Variants in VPS13C observed in about 807,000 individuals in gnomAD.
VPS13C encodes the protein vacuolar protein sorting 13 homolog C, also known as intermembrane lipid transfer protein VPS13C.
VPS13C carries 358 observed loss-of-function variants against 456.8 expected under a neutral mutation model. The ratio of observed to expected loss-of-function variants is 0.78; its 90% CI spans 0.72 to 0.86. The LOEUF is 0.86. Ranked by LOEUF, VPS13C falls within the 40% of genes least tolerant of loss-of-function variation. VPS13C has a pLI of 0.00. For synonymous variants in VPS13C, 1,578 were observed against 1,486.7 expected (o/e 1.06, Z -1.41); for missense variants, 4,818 against 4,385.4 (o/e 1.10, Z -2.79).
At chr15:61,929,391 A>C in intron 51 of VPS13C, 110 bp downstream of exon 51, 1 of 1,374,226 alleles carries the variant, frequency 7.3e-7, no homozygotes, top group South Asian at 1.5e-5. Context: ...ATATGTTTAA[A>C]TATAAAAGAC....
chr15:62,037,299 A>AAT (rs796433554), intron 3 of VPS13C, among the ~76,000 whole-genome samples: 7 of 63,966 alleles, frequency 1.1e-4, no homozygotes, highest in African/African-American at 3.3e-4. Flanking sequence ...TATATTATAT[A>AAT]ATATATATAT....
In VPS13C at chr15:61,901,642, G is replaced by A. The variant is rs1227158340; in HGVS notation, c.9105+5622C>T. ...TGCTGGAGAGGATGTGGAGAAATGG[G>A]AACACTTTTACACTGTTGGTGGGAC... On this transcript the variant is annotated intron_variant, in intron 66 of 84. Transcript: ENST00000644861. Among the ~76,000 whole-genome samples the A allele has an allele frequency of 2.6e-5, 4 of 152,044 alleles. No homozygotes were observed. The South Asian group carries it at 6.2e-4, about 24-fold the overall frequency.
intron 1 of VPS13C, among the ~76,000 whole-genome samples, chr15:62,046,996 T>A (rs1328386912): frequency 6.6e-6 from 1 of 152,020 alleles, no homozygotes; most frequent in Non-Finnish European, 1.5e-5. Context: ...TTATGTGAAA[T>A]TATTACGGAA....
intron 82 of VPS13C, among the ~76,000 whole-genome samples, chr15:61,857,439 C>A (rs1379168457): frequency 6.6e-6 from 1 of 151,840 alleles, no homozygotes; most frequent in Non-Finnish European, 1.5e-5. Flanking sequence ...TAAAGGAGTA[C>A]AAAAAAGGAA....
chr15:61,946,632 G>A (rs1254036974), intron 43 of VPS13C, among the ~76,000 whole-genome samples: 1 of 138,486 alleles, frequency 7.2e-6, no homozygotes, highest in Non-Finnish European at 1.6e-5. Flanking sequence ...CAAAAAAGTT[G>A]TAGAAATTTT....
chr15:61,998,825 T>A (rs2046486792), intron 16 of VPS13C, among the ~76,000 whole-genome samples: 1 of 152,148 alleles, frequency 6.6e-6, no homozygotes, highest in Non-Finnish European at 1.5e-5. Flanking sequence ...CCTGAGACAA[T>A]CCTCCTCTTT....
chr15:61,886,353 T>C (rs1896271129), intron 67 of VPS13C, among the ~76,000 whole-genome samples: 1 of 152,192 alleles, frequency 6.6e-6, no homozygotes, highest in Admixed American at 6.5e-5. Flanking sequence ...ATTGCATTAC[T>C]TCAGCAGAGC....
At chr15:61,991,218 G>C (rs1421221062) in intron 17 of VPS13C, 124 bp from the exon 18 acceptor site, 12 of 697,980 alleles carry the variant, frequency 1.7e-5, no homozygotes, top group Non-Finnish European at 2.6e-5. Flanking sequence ...AAATTAGCCA[G>C]GTAATATCCT....
chr15:61,868,503 T>G (rs1894756542), intron 81 of VPS13C, among the ~76,000 whole-genome samples, 156 bp downstream of exon 81: 2 of 152,176 alleles, frequency 1.3e-5, no homozygotes, highest in African/African-American at 2.4e-5. Flanking sequence ...ATTTAACACA[T>G]GCTAAAATGA....
intron 1 of VPS13C, among the ~76,000 whole-genome samples, chr15:62,051,104 T>C (rs1255740514): frequency 6.6e-6 from 1 of 152,220 alleles, no homozygotes; most frequent in Non-Finnish European, 1.5e-5. Flanking sequence ...TATAGTCCTA[T>C]TGTTAAGTAC....
Position 61,869,502 on chromosome 15 carries a change from C to G in VPS13C, c.10746G>C (p.Gln3582His). Residue 3582 changes from glutamine (Q) to histidine (H), a missense_variant and splice_region_variant, in exon 80 of 85, where the codon CAG (glutamine) becomes CAC (histidine). Physicochemically the swap from Gln to His is conservative, Grantham distance 24. Around this residue, in one of 3 missense-constraint regions of VPS13C, gnomAD observed 261 missense variants for 234.1 expected, o/e 1.11. Coordinates refer to ENST00000644861, the MANE Select transcript of VPS13C (RefSeq NM_020821.3). ...DMASSTFQGIQRAAESTEEVS... is the reference protein window; with the variant it reads ...DMASSTFQGIHRAAESTEEVS... ...GCACATAGTATGTACTCAATTACCT[C>G]TGAATGCCTTGGAAGGTACTACTGG... 6.2e-7 allele frequency: 1 copy of G among 1,614,118 alleles called. No homozygotes were observed. Among genetic ancestry groups the G allele is most frequent in the Non-Finnish European group, 8.5e-7 (1 of 1,180,004 alleles).
At chr15:61,926,228 C>A (rs1489616688) in intron 52 of VPS13C, among the ~76,000 whole-genome samples, 3 of 152,070 alleles carry the variant, frequency 2.0e-5, no homozygotes, top group Admixed American at 1.3e-4. Context: ...GCAAGACCCC[C>A]TTCTCTACAA....
chr15:61,997,644 A>T (rs2046434402), intron 16 of VPS13C, among the ~76,000 whole-genome samples: 1 of 152,110 alleles, frequency 6.6e-6, no homozygotes, highest in South Asian at 2.1e-4. Flanking sequence ...CCAAGTCAAA[A>T]TATTTAAAGG....
chr15:61,912,720 C>A (rs1473713234), intron 62 of VPS13C, among the ~76,000 whole-genome samples: 1 of 151,126 alleles, frequency 6.6e-6, no homozygotes, highest in African/African-American at 2.4e-5. Flanking sequence ...TATACATGTA[C>A]CATGCTGGTG....
chr15:61,910,873 G>C (rs537609311), intron 63 of VPS13C, among the ~76,000 whole-genome samples: 2 of 151,932 alleles, frequency 1.3e-5, no homozygotes, highest in African/African-American at 4.8e-5. Context: ...TTCTGTTATA[G>C]AATACTAAGT....
At chr15:62,051,867 A>C (rs1454029642) in intron 1 of VPS13C, among the ~76,000 whole-genome samples, 1 of 152,186 alleles carries the variant, frequency 6.6e-6, no homozygotes, top group Admixed American at 6.5e-5. Context: ...CTTTTTAAAA[A>C]TCTATTTTTT....
chr15:62,022,199 T>A (rs755062790), intron 8 of VPS13C, among the ~76,000 whole-genome samples: 5 of 151,858 alleles, frequency 3.3e-5, no homozygotes, highest in Non-Finnish European at 5.9e-5. Flanking sequence ...CTAGTGGATG[T>A]CTGCAAACAC....
chr15:62,054,902 G>C (rs1165678531), intron 1 of VPS13C, among the ~76,000 whole-genome samples: 5 of 152,072 alleles, frequency 3.3e-5, no homozygotes, highest in African/African-American at 1.2e-4. Context: ...AAAGGTTTTT[G>C]ACATAATCTA....
chr15:61,860,933 T>C (rs562959479), intron 82 of VPS13C, among the ~76,000 whole-genome samples: 1 of 151,388 alleles, frequency 6.6e-6, no homozygotes, highest in East Asian at 1.9e-4. Context: ...AGAACGCATG[T>C]ATGGTTAGTT....
Sources: allele counts gnomAD v4.1 joint callset (sites outside exome capture counted in the v4.1 genomes callset), GRCh38; gene constraint gnomAD v4.1.1; regional missense constraint gnomAD v4.1.1; transcripts MANE v1.5; gene names NCBI Gene and HGNC (gene_info 2026-07-23, HGNC 2026-07-21).